RIF1: variants seen among roughly 807,000 people sequenced by gnomAD.
RIF1 encodes replication timing regulatory factor 1, also known as telomere-associated protein RIF1.
In RIF1, 45 loss-of-function variants were observed where a neutral mutation model predicts 247.1. That is an observed-to-expected ratio of 0.18 (90% CI 0.14 to 0.23). The LOEUF (loss-of-function observed/expected upper bound fraction) is 0.23, where lower values mean the gene tolerates loss of function less well. Ranked by LOEUF, RIF1 falls within the 10% of genes least tolerant of loss-of-function variation. The probability of loss-of-function intolerance (pLI) is 1.00; values close to 1 mark genes in which losing one functional copy is unlikely to be tolerated. For missense variants in RIF1, 2,967 were observed against 2,862.5 expected, an observed-to-expected ratio of 1.04 and a Z score of -0.83; for synonymous variants, 1,087 against 978.8, an observed-to-expected ratio of 1.11 and a Z score of -2.06.
At chr2:151,424,825 A>ATTTTTTTTTTTTT (rs71000475) in intron 8 of RIF1, among the ~76,000 whole-genome samples, 1 of 47,286 alleles carries the variant, frequency 2.1e-5, no homozygotes, top group Non-Finnish European at 3.8e-5. Flanking sequence ...AGCCCGGCTG[A>ATTTTTTTTTTTTT]TTTTTTTTTT....
chr2:151,474,049 C>G lies in RIF1; in HGVS notation c.7181C>G (p.Pro2394Arg). The change falls in exon 35 of 36, where the codon CCT (proline) becomes CGT (arginine). Residue 2394 changes from proline to arginine, a missense_variant. By Grantham distance (103) the Pro-to-Arg change is moderately radical. Coordinates refer to ENST00000444746, the MANE Select transcript of RIF1 (RefSeq NM_018151.5). Reference protein sequence around the residue: ...VNGIENKSLSPDEERLVSDII... With the variant: ...VNGIENKSLSRDEERLVSDII... ...GGAATAGAAAATAAATCTTTGTCAC[C>G]TGATGAAGAAAGACTTGTCTCAGGT... 6.5e-7 allele frequency: 1 copy of G among 1,535,988 alleles called. No homozygotes were observed. The highest frequency in any genetic ancestry group is 9.0e-7 in the Non-Finnish European group (1 of 1,112,976).
At chr2:151,410,379 C>T in intron 1 of RIF1, 35 bp from the exon 2 acceptor site, 1 of 1,552,146 alleles carries the variant, frequency 6.4e-7, no homozygotes, top group Non-Finnish European at 8.8e-7. Context: ...TTCCATCGGT[C>T]ACTGGATTTT....
chr2:151,425,167 C>T (rs1688826966), intron 8 of RIF1, among the ~76,000 whole-genome samples: 1 of 152,080 alleles, frequency 6.6e-6, no homozygotes, highest in Non-Finnish European at 1.5e-5. Flanking sequence ...TGTTGAACAT[C>T]TTTTCACTTG....
chr2:151,464,441 C>A lies in RIF1; in HGVS notation c.4921C>A (p.Gln1641Lys). 6.2e-7 allele frequency: 1 copy of A among 1,613,392 alleles called. No homozygotes were observed. The highest frequency in any genetic ancestry group is 1.7e-4 in the Middle Eastern group (1 of 6,058). ...TTCTACAGTAACTTCAGATTTGTTG[C>A]AAGTTCCTGATGATTTACCAAATGT... ...QDSTVTSDLL[Q>K]VPDDLPNVCE... Residue 1641 changes from glutamine to lysine, a missense_variant, in exon 30 of 36, where the codon CAA (glutamine) becomes AAA (lysine). This residue lies in a region of RIF1 where 2,028 missense variants were observed against 1,825.6 expected (regional missense o/e 1.11). Transcript: ENST00000444746.
Position 151,481,974 on chromosome 2 carries a change from T to G in RIF1, c.*6903T>G, listed in dbSNP as rs1419588979. ...AGGGGACCACTGCTTTATACAGTGT[T>G]TGAAGTAGGCACACTTACAGTTACT... On this transcript the variant is annotated 3_prime_UTR_variant, in exon 36 of 36. Transcript: ENST00000444746. 1.3e-5 allele frequency: 2 copies of G among 152,244 alleles called. No individual in the cohort carries two copies. Among genetic ancestry groups the G allele is most frequent in the Non-Finnish European group, 2.9e-5 (2 of 68,048 alleles). 9.4% of individuals were successfully genotyped at this position (152,244 alleles called of 1,614,324 possible).
downstream of RIF1, chr2:151,485,803 C>T (rs2152614968): frequency 6.2e-7 from 1 of 1,613,500 alleles, no homozygotes; most frequent in Non-Finnish European, 8.5e-7. Flanking sequence ...TCCGGTCCTG[C>T]CAGTCCTCTG....
rs199657619 is a variant in RIF1, at chr2:151,443,850, T to G, written c.1986+141T>G. ...GTGGAATTGGTAAACGTTGTACTTT[T>G]GATTGATTTTATTGCATTTCTCCCT... On this transcript the variant is annotated intron_variant, in intron 18 of 35. Coordinates refer to ENST00000444746, the MANE Select transcript of RIF1 (RefSeq NM_018151.5). The G allele has an allele frequency of 9.8e-6, 5 of 510,960 alleles. No homozygotes were observed. The African/African-American group carries it at 1.0e-4, about 10-fold the overall frequency. 31.7% of individuals were successfully genotyped at this position (510,960 alleles called of 1,614,324 possible).
chr2:151,533,649 C>A, the RIF1 span: 5 of 715,224 alleles, frequency 7.0e-6, no homozygotes, highest in Non-Finnish European at 1.2e-5. Flanking sequence ...TGTAGGCATA[C>A]ACACTTTATG....
the RIF1 span, chr2:151,529,276 G>T: frequency 3.7e-6 from 6 of 1,613,526 alleles, no homozygotes; most frequent in Non-Finnish European, 5.1e-6. Flanking sequence ...CAATGGTGCA[G>T]TTGGATTTAT....
intron 19 of RIF1, 93 bp from the exon 20 acceptor site, chr2:151,446,333 T>G (rs1207619418): frequency 5.2e-6 from 6 of 1,163,006 alleles, no homozygotes; most frequent in African/African-American, 1.5e-5. Context: ...AATGTTGCAG[T>G]GTTTTTAAAA....
In RIF1 at chr2:151,475,254, C is replaced by A; in HGVS notation, c.*183C>A. On this transcript the variant is annotated 3_prime_UTR_variant, in exon 36 of 36. Coordinates refer to ENST00000444746, the MANE Select transcript of RIF1 (RefSeq NM_018151.5). The stretch of plus-strand genomic sequence containing the variant: ...ATTTTGTAAGTTCATTATGTAAGAT[C>A]CTTTTTTTTTTCATAATATGTATTC... The A allele has an allele frequency of 3.5e-6, 2 of 563,600 alleles. No homozygotes were observed. Among genetic ancestry groups the A allele is most frequent in the Non-Finnish European group, 6.2e-6 (2 of 323,532 alleles). 34.9% of individuals were successfully genotyped at this position (563,600 alleles called of 1,614,324 possible). A position where few individuals can be genotyped will look rare whatever the true frequency, so the allele number is the denominator to read the frequency against.
At chr2:151,531,308 C>CTTTTTT in the RIF1 span, among the ~76,000 whole-genome samples, 3 of 84,010 alleles carry the variant, frequency 3.6e-5, no homozygotes, top group African/African-American at 4.5e-5. Flanking sequence ...TTTTTTCTTT[C>CTTTTTT]TTTTTTTTTT....
rs753344916 is a variant in RIF1 at position 151,480,078 on chromosome 2, T to G, written c.*5007T>G. Reference sequence around the variant, plus strand: ...AATTTTCCGATGTGGTCCTAATCATTTTTTTCTTTACATACTAAGCCTTCC... The same window carrying G: ...AATTTTCCGATGTGGTCCTAATCATGTTTTTCTTTACATACTAAGCCTTCC... On this transcript the variant is annotated 3_prime_UTR_variant, in exon 36 of 36. Transcript: ENST00000444746. The G allele has an allele frequency of 5.9e-5, 9 of 152,172 alleles. No individual in the cohort carries two copies. The highest frequency in any genetic ancestry group is 1.2e-4 in the Non-Finnish European group (8 of 68,010). 9.4% of individuals were successfully genotyped at this position (152,172 alleles called of 1,614,324 possible). A position where few individuals can be genotyped will look rare whatever the true frequency, so the allele number is the denominator to read the frequency against.
Position 151,438,757 on chromosome 2 carries a change from T to A in RIF1, c.1546+11T>A. The A allele has an allele frequency of 1.9e-6, 3 of 1,576,396 alleles. No homozygotes were observed. The highest frequency in any genetic ancestry group is 2.6e-6 in the Non-Finnish European group (3 of 1,145,726). ...CAGTTACTGAATCAGGTAAGCACTA[T>A]TACACTGATCAAATGTTGTTTTTTG... On this transcript the variant is annotated intron_variant, in intron 14 of 35. Coordinates refer to ENST00000444746, the MANE Select transcript of RIF1 (RefSeq NM_018151.5).
At chr2:151,446,003 T>G (rs1250591897) in intron 19 of RIF1, among the ~76,000 whole-genome samples, 1 of 152,206 alleles carries the variant, frequency 6.6e-6, no homozygotes, top group Non-Finnish European at 1.5e-5. Context: ...GTTATTACCC[T>G]GTGTTAGTCT....
At chr2:151,421,615 A>G (rs543543135) in intron 7 of RIF1, among the ~76,000 whole-genome samples, 49 of 152,120 alleles carry the variant, frequency 3.2e-4, no homozygotes, top group Non-Finnish European at 6.3e-4. Flanking sequence ...TCACTATATT[A>G]CCCAAGCTGG....
At chr2:151,437,866 CACTT>C (rs1321824650) in intron 13 of RIF1, among the ~76,000 whole-genome samples, 1 of 152,176 alleles carries the variant, frequency 6.6e-6, no homozygotes, top group Non-Finnish European at 1.5e-5. Context: ...TATGCAGAGT[CACTT>C]ACGAGTGGTA....
chr2:151,495,953 G>A (rs976280057), intron 10 of RIF1, among the ~76,000 whole-genome samples: 5 of 152,054 alleles, frequency 3.3e-5, no homozygotes, highest in East Asian at 1.9e-4. Context: ...CACCCCACAC[G>A]TACCCGTCCT....
At chr2:151,514,266 CA>C in the RIF1 span, 6 of 1,302,590 alleles carry the variant, frequency 4.6e-6, no homozygotes, top group East Asian at 1.4e-4. Context: ...ATTTGGCTAA[CA>C]AAGAAATGAT....
Sources: gnomAD v4.1 joint callset for allele counts (sites outside exome capture counted in the v4.1 genomes callset) on GRCh38, gnomAD v4.1.1 for gene constraint, gnomAD v4.1.1 regional missense constraint, MANE v1.5 for transcripts, NCBI Gene and HGNC (gene_info 2026-07-23, HGNC 2026-07-21) for gene names.